The following CAMK1D variants were observed in gnomAD, a reference collection of about 807,000 sequenced individuals.
The protein encoded by CAMK1D is calcium/calmodulin dependent protein kinase ID.
A neutral mutation model predicts 47.7 loss-of-function variants in CAMK1D; 9 were observed. The ratio of observed to expected loss-of-function variants is 0.19; its 90% CI spans 0.11 to 0.33. CAMK1D has a LOEUF of 0.33. CAMK1D is among the 10% of genes least tolerant of loss of function. CAMK1D has a pLI of 1.00. For synonymous variants in CAMK1D, 184 were observed against 184.9 expected, an observed-to-expected ratio of 0.99 and a Z score of 0.04; for missense variants, 291 against 488.7, an observed-to-expected ratio of 0.60 and a Z score of 3.81.
chr10:12,371,587 A>G (rs547894145), intron 1 of CAMK1D, among the ~76,000 whole-genome samples: 1 of 146,734 alleles, frequency 6.8e-6, no homozygotes, highest in African/African-American at 2.5e-5. Context: ...AAAAAAAAAA[A>G]CCAAAAAAAA....
intron 2 of CAMK1D, among the ~76,000 whole-genome samples, chr10:12,604,561 T>G (rs952556105): frequency 6.6e-5 from 10 of 152,134 alleles, no homozygotes; most frequent in Non-Finnish European, 1.3e-4. Flanking sequence ...CTCAGAAACT[T>G]GAGGGCCACT....
intron 2 of CAMK1D, among the ~76,000 whole-genome samples, chr10:12,570,982 G>T (rs549104415): frequency 1.3e-5 from 2 of 151,860 alleles, no homozygotes; most frequent in Non-Finnish European, 2.9e-5. Context: ...GGACAGGAGT[G>T]GTCAGTGTTG....
intron 3 of CAMK1D, among the ~76,000 whole-genome samples, chr10:12,740,613 A>T (rs1182382852): frequency 2.6e-5 from 4 of 152,050 alleles, no homozygotes; most frequent in East Asian, 1.9e-4. Flanking sequence ...AAAAAAAAAG[A>T]AAAGAAACTG....
rs1157808707 is a variant in CAMK1D at position 12,568,221 on chromosome 10, GCCCCTCCCTTCCCTTCCTT to G, written c.224+14879_224+14897del. Among the ~76,000 whole-genome samples the G allele has an allele frequency of 1.3e-3, 102 of 75,600 alleles. 2 individuals are homozygous for G. In the East Asian group the frequency reaches 0.026, roughly 19 times the overall value. The allele number at this position is 75,600 out of a possible 152,430, so 49.6% of individuals were successfully genotyped here. A position where few individuals can be genotyped will look rare whatever the true frequency, so the allele number is the denominator to read the frequency against. On this transcript the variant is annotated intron_variant, in intron 2 of 10. Coordinates refer to ENST00000619168, the MANE Select transcript of CAMK1D (RefSeq NM_153498.4). Reference sequence around the variant, plus strand: ...CCCTCTTTCCTTCCCTTCCCTTCCTGCCCCTCCCTTCCCTTCCTTCCCCTCCCTTCCCCTCCCCTACCCT... The same window carrying G: ...CCCTCTTTCCTTCCCTTCCCTTCCTGCCCCTCCCTTCCCCTCCCCTACCCT...
At chr10:12,796,062 C>T (rs995162515) in intron 6 of CAMK1D, among the ~76,000 whole-genome samples, 3 of 152,188 alleles carry the variant, frequency 2.0e-5, no homozygotes, top group Admixed American at 6.5e-5. Context: ...TGATAACATG[C>T]GGCCCGCCTT....
Position 12,387,719 on chromosome 10 carries a change from T to TG in CAMK1D, c.92+37810dup, listed in dbSNP as rs1442106918. On this transcript the variant is annotated intron_variant, in intron 1 of 10. Transcript: ENST00000619168. ...TGCTCAGCTTGGTCTCAAACTCCTG[T>TG]GCTCAAGCGATCCGCCCACCCCAGC... 4.6e-5 allele frequency among the ~76,000 whole-genome samples: 7 copies of TG among 151,744 alleles called. No individual in the cohort carries two copies. In the South Asian group the frequency reaches 1.0e-3, roughly 23 times the overall value.
intron 2 of CAMK1D, among the ~76,000 whole-genome samples, chr10:12,590,516 T>G (rs982563597): frequency 2.0e-5 from 3 of 152,212 alleles, no homozygotes; most frequent in Admixed American, 1.3e-4. Flanking sequence ...GTGAGCCACT[T>G]TGCCTGGCCC....
At chr10:12,361,931 G>A (rs1013513811) in intron 1 of CAMK1D, among the ~76,000 whole-genome samples, 2 of 152,158 alleles carry the variant, frequency 1.3e-5, no homozygotes, top group Admixed American at 6.5e-5. Context: ...TATTACCTAA[G>A]TTTGGGGTTC....
chr10:12,801,354 T>TTATCTATCTATCTATCTATCTATC lies in CAMK1D; in HGVS notation c.641+10138_641+10161dup, dbSNP rs56165416. Among the ~76,000 whole-genome samples the TTATCTATCTATCTATCTATCTATC allele has an allele frequency of 3.8e-3, 252 of 66,534 alleles. 5 individuals are homozygous for TTATCTATCTATCTATCTATCTATC. The highest frequency in any genetic ancestry group is 6.0e-3 in the East Asian group (12 of 2,008). 43.6% of individuals were successfully genotyped at this position (66,534 alleles called of 152,430 possible). ...CTATCTATCTATCTATCTATCTATC[T>TTATCTATCTATCTATCTATCTATC]TATCTATCTATCTATCTATCTATCT... On this transcript the variant is annotated intron_variant, in intron 6 of 10. Transcript: ENST00000619168.
intron 1 of CAMK1D, among the ~76,000 whole-genome samples, chr10:12,495,554 C>G (rs982184658): frequency 1.3e-5 from 2 of 152,160 alleles, no homozygotes; most frequent in Non-Finnish European, 2.9e-5. Context: ...ACATTTAGCT[C>G]TCTAAGAAAT....
rs142937489 is a variant in CAMK1D, at chr10:12,615,576, CGT to C, written c.225-51153_225-51152del. ...GTTATGTGTGTATATCGTGTGTGTG[CGT>C]GTGTGTAGGTGTGTATTGTGTTTGC... On this transcript the variant is annotated intron_variant, in intron 2 of 10. Coordinates refer to ENST00000619168, the MANE Select transcript of CAMK1D (RefSeq NM_153498.4). Among the ~76,000 whole-genome samples the C allele has an allele frequency of 8.1e-4, 15 of 18,412 alleles. 1 individual carries two copies. Among genetic ancestry groups the C allele is most frequent in the East Asian group, 6.8e-3 (1 of 146 alleles). 12.1% of individuals were successfully genotyped at this position (18,412 alleles called of 152,430 possible). A position where few individuals can be genotyped will look rare whatever the true frequency, so the allele number is the denominator to read the frequency against.
chr10:12,548,557 C>T lies in CAMK1D; in HGVS notation c.93-4668C>T, dbSNP rs141856599. ...ATGGCTCACTGCAGCCTTGACCTCC[C>T]GGGCCCAAGTGATCCTCCTACCTTA... On this transcript the variant is annotated intron_variant, in intron 1 of 10. Coordinates refer to ENST00000619168, the MANE Select transcript of CAMK1D (RefSeq NM_153498.4). Among the ~76,000 whole-genome samples, 1,352 of 150,810 alleles carry T rather than the reference C, an allele frequency of 9.0e-3. 19 individuals are homozygous for T. Among genetic ancestry groups the T allele is most frequent in the African/African-American group, 0.031 (1,277 of 40,984 alleles).
At chr10:12,711,668 A>C (rs1833941787) in intron 3 of CAMK1D, among the ~76,000 whole-genome samples, 1 of 152,166 alleles carries the variant, frequency 6.6e-6, no homozygotes, top group African/African-American at 2.4e-5. Flanking sequence ...GTTCCCTGTT[A>C]ATATGAGGCA....
chr10:12,362,411 T>G (rs1837692673), intron 1 of CAMK1D, among the ~76,000 whole-genome samples: 1 of 150,164 alleles, frequency 6.7e-6, no homozygotes, highest in African/African-American at 2.5e-5. Context: ...TAACAAAATT[T>G]TAGGATGCTC....
At chr10:12,478,392 C>T (rs1044018603) in intron 1 of CAMK1D, among the ~76,000 whole-genome samples, 13 of 152,104 alleles carry the variant, frequency 8.5e-5, no homozygotes, top group Admixed American at 3.3e-4. Context: ...GCCCCAACCT[C>T]GTGGACTCAA....
chr10:12,756,723 G>A (rs1421286154), intron 3 of CAMK1D, among the ~76,000 whole-genome samples: 2 of 151,970 alleles, frequency 1.3e-5, no homozygotes, highest in East Asian at 1.9e-4. Flanking sequence ...TCAGAAGATC[G>A]ACACCATCCT....
intron 3 of CAMK1D, among the ~76,000 whole-genome samples, chr10:12,708,838 G>C (rs890449702): frequency 6.6e-6 from 1 of 152,152 alleles, no homozygotes; most frequent in Admixed American, 6.5e-5. Flanking sequence ...TGTTTTCAAT[G>C]ATCCCATTAG....
chr10:12,577,832 G>C (rs1347875512), intron 2 of CAMK1D, among the ~76,000 whole-genome samples: 1 of 152,100 alleles, frequency 6.6e-6, no homozygotes, highest in Non-Finnish European at 1.5e-5. Flanking sequence ...CCACCCACGT[G>C]GTGTCCTCCT....
chr10:12,448,371 AT>A (rs1479546174), intron 1 of CAMK1D, among the ~76,000 whole-genome samples: 15 of 6,742 alleles, frequency 2.2e-3, no homozygotes, highest in South Asian at 0.013. Context: ...GCTTATTTTA[AT>A]TTTTATTTTT....
Sources: gnomAD v4.1 joint callset for allele counts (sites outside exome capture counted in the v4.1 genomes callset) on GRCh38, gnomAD v4.1.1 for gene constraint, MANE v1.5 for transcripts, NCBI Gene and HGNC (gene_info 2026-07-23, HGNC 2026-07-21) for gene names.